The following NDST4 variants were observed in gnomAD, a reference collection of about 807,000 sequenced individuals.
NDST4 encodes N-heparan sulfate sulfotransferase 4.
Under a neutral mutation model 100.8 loss-of-function variants are expected in NDST4, and 63 were observed. That is an observed-to-expected ratio of 0.62 (90% CI 0.51 to 0.77). The LOEUF (loss-of-function observed/expected upper bound fraction) is 0.77, where lower values mean the gene tolerates loss of function less well. Among genes scored for constraint, NDST4 ranks in the 30% least tolerant of loss-of-function variants. The pLI, the probability that NDST4 is intolerant of heterozygous loss-of-function variation, is 0.00. For missense variants in NDST4, 943 were observed against 1,018.4 expected, an observed-to-expected ratio of 0.93 and a Z score of 1.01; for synonymous variants, 377 against 361.8, an observed-to-expected ratio of 1.04 and a Z score of -0.48.
chr4:115,041,295 T>C (rs1422184219), intron 2 of NDST4, among the ~76,000 whole-genome samples: 1 of 152,084 alleles, frequency 6.6e-6, no homozygotes, highest in Non-Finnish European at 1.5e-5. Flanking sequence ...ATACAGAGCA[T>C]GTTAAAGGAC....
chr4:115,077,820 G>A (rs886862926), intron 1 of NDST4, among the ~76,000 whole-genome samples: 6 of 152,112 alleles, frequency 3.9e-5, no homozygotes, highest in Non-Finnish European at 8.8e-5. Flanking sequence ...CTCACAGGGA[G>A]CCACTTGGCC....
intron 2 of NDST4, among the ~76,000 whole-genome samples, chr4:114,980,422 T>C (rs279516): frequency 1.3e-5 from 2 of 151,938 alleles, no homozygotes; most frequent in Admixed American, 1.3e-4. Context: ...CAGGTGGATC[T>C]TTTGAGGTCA....
At chr4:114,975,548 A>G (rs964141522) in intron 3 of NDST4, among the ~76,000 whole-genome samples, 5 of 152,112 alleles carry the variant, frequency 3.3e-5, no homozygotes, top group Admixed American at 6.6e-5. Context: ...TGTGTACTCT[A>G]TGCATGTTCA....
intron 4 of NDST4, among the ~76,000 whole-genome samples, chr4:114,964,921 G>A (rs1372963434): frequency 1.3e-5 from 2 of 152,116 alleles, no homozygotes; most frequent in African/African-American, 4.8e-5. Flanking sequence ...GTTGTCACGT[G>A]TTACAGAATT....
intron 2 of NDST4, among the ~76,000 whole-genome samples, chr4:115,011,718 A>G (rs1483325223): frequency 6.6e-6 from 1 of 151,974 alleles, no homozygotes; most frequent in African/African-American, 2.4e-5. Flanking sequence ...TGAAAAATAT[A>G]GAACTTACTT....
At position 114,937,479 on chromosome 4, in the gene NDST4, C is replaced by T; in HGVS notation, c.1246G>A (p.Gly416Ser). The change falls in exon 5 of 14, where the codon GGC becomes AGC. Residue 416 changes from glycine (G) to serine (S), a missense_variant. Around this residue, in one of 2 missense-constraint regions of NDST4, gnomAD observed 526 missense variants for 634.1 expected, o/e 0.83. Transcript: ENST00000264363. ...ALEHGIPINM[G>S]YAVAPHHSGV... ...GAGTGATGTGGGGCCACAGCATAGC[C>T]CATGTTGATTGGTATTCCATGTTCC... is the stretch of plus-strand genomic sequence containing the variant. 1.9e-6 allele frequency: 3 copies of T among 1,584,648 alleles called. No individual in the cohort carries two copies. The highest frequency in any genetic ancestry group is 2.6e-6 in the Non-Finnish European group (3 of 1,165,586).
chr4:114,907,351 T>G (rs1724974230), intron 6 of NDST4, among the ~76,000 whole-genome samples: 1 of 152,152 alleles, frequency 6.6e-6, no homozygotes, highest in Non-Finnish European at 1.5e-5. Flanking sequence ...AACACATTGC[T>G]TAACCTCACT....
At chr4:114,860,880 A>G (rs1200564495) in intron 7 of NDST4, among the ~76,000 whole-genome samples, 1 of 152,216 alleles carries the variant, frequency 6.6e-6, no homozygotes, top group Non-Finnish European at 1.5e-5. Flanking sequence ...TACAAGATAA[A>G]AACAAAATTT....
chr4:114,937,164 T>A (rs1189091554), intron 5 of NDST4, among the ~76,000 whole-genome samples, 154 bp downstream of exon 5: 1 of 152,232 alleles, frequency 6.6e-6, no homozygotes, highest in Non-Finnish European at 1.5e-5. Flanking sequence ...AAAGATGGGT[T>A]AATGCATAAC....
intron 2 of NDST4, among the ~76,000 whole-genome samples, chr4:115,006,410 T>C (rs1727418094): frequency 6.6e-6 from 1 of 152,004 alleles, no homozygotes. Context: ...CCTATAACTA[T>C]AAAAATAATT....
rs745313340 is a variant in NDST4 at position 114,848,796 on chromosome 4, G to T, written c.1817-458C>A. Among the ~76,000 whole-genome samples, 30 of 152,304 alleles carry T rather than the reference G, an allele frequency of 2.0e-4. 1 individual carries two copies. Among genetic ancestry groups the T allele is most frequent in the Middle Eastern group, 6.8e-3 (2 of 294 alleles). On this transcript the variant is annotated intron_variant, in intron 8 of 13. Transcript: ENST00000264363. ...GAGGTTGATGTGCTACTCTGTGTAT[G>T]GTCCGGAAGTAACTCTTGATTAAGA...
At chr4:115,061,273 G>A (rs1197048452) in intron 2 of NDST4, among the ~76,000 whole-genome samples, 3 of 152,010 alleles carry the variant, frequency 2.0e-5, no homozygotes, top group African/African-American at 4.8e-5. Flanking sequence ...CCATTACTGG[G>A]TATATACCCA....
chr4:114,911,436 A>G (rs1725059857), intron 6 of NDST4, among the ~76,000 whole-genome samples: 2 of 152,184 alleles, frequency 1.3e-5, no homozygotes, highest in Non-Finnish European at 2.9e-5. Flanking sequence ...ATGCTAATAT[A>G]TGTAACTCCC....
chr4:114,906,404 C>CG (rs1253885752), intron 6 of NDST4, among the ~76,000 whole-genome samples: 1 of 151,434 alleles, frequency 6.6e-6, no homozygotes, highest in Non-Finnish European at 1.5e-5. Context: ...AGGAGATATT[C>CG]GGGGGAGATT....
chr4:114,856,057 C>T (rs572877236), intron 7 of NDST4, among the ~76,000 whole-genome samples: 46 of 151,626 alleles, frequency 3.0e-4, no homozygotes, highest in African/African-American at 1.1e-3. Context: ...CCCTTCCTTT[C>T]CTTTCTTTCT....
chr4:115,009,018 C>G (rs1727482687), intron 2 of NDST4, among the ~76,000 whole-genome samples: 1 of 125,820 alleles, frequency 7.9e-6, no homozygotes, highest in East Asian at 2.6e-4. Flanking sequence ...CAAACCACTG[C>G]TCAATGAAAT....
chr4:115,104,516 T>C (rs1051062491), intron 1 of NDST4, among the ~76,000 whole-genome samples: 7 of 152,150 alleles, frequency 4.6e-5, no homozygotes, highest in Non-Finnish European at 1.0e-4. Flanking sequence ...TTTGTCTTTG[T>C]CTTCTTCAAA....
intron 10 of NDST4, among the ~76,000 whole-genome samples, chr4:114,842,348 C>A (rs956015401): frequency 1.3e-5 from 2 of 151,984 alleles, no homozygotes; most frequent in Non-Finnish European, 2.9e-5. Flanking sequence ...ATTTTTCCAT[C>A]TCAGGTCTTT....
chr4:115,073,769 T>C (rs752119879), intron 2 of NDST4, among the ~76,000 whole-genome samples: 15 of 152,038 alleles, frequency 9.9e-5, no homozygotes, highest in Non-Finnish European at 2.2e-4. Context: ...ATCATATTCT[T>C]GAAAATTACT....
Sources: gnomAD v4.1 joint callset for allele counts (sites outside exome capture counted in the v4.1 genomes callset) on GRCh38, gnomAD v4.1.1 for gene constraint, gnomAD v4.1.1 regional missense constraint, MANE v1.5 for transcripts, NCBI Gene and HGNC (gene_info 2026-07-23, HGNC 2026-07-21) for gene names.